Variants in SPAG16 observed in about 807,000 individuals in gnomAD.
SPAG16 encodes sperm associated antigen 16.
Under a neutral mutation model 80.4 loss-of-function variants are expected in SPAG16, and 86 were observed. The ratio of observed to expected loss-of-function variants is 1.07; its 90% CI spans 0.90 to 1.28. The LOEUF is 1.28. Among genes scored for constraint, SPAG16 ranks in the 50% most tolerant of loss-of-function variants. The pLI is 0.00. For missense variants in SPAG16, 870 were observed against 765.3 expected (o/e 1.14, Z -1.61); for synonymous variants, 294 against 265.9 (o/e 1.11, Z -1.03).
At chr2:213,624,121 GA>G (rs1346846907) in intron 10 of SPAG16, among the ~76,000 whole-genome samples, 1 of 151,818 alleles carries the variant, frequency 6.6e-6, no homozygotes. Context: ...TTAAACTACA[GA>G]AAAAACATCT....
At chr2:213,876,828 C>G (rs1265333093) in intron 11 of SPAG16, among the ~76,000 whole-genome samples, 1 of 152,106 alleles carries the variant, frequency 6.6e-6, no homozygotes, top group Non-Finnish European at 1.5e-5. Context: ...TATTAGGGTC[C>G]TCGCTCAGAT....
At chr2:213,548,021 A>G (rs2076667925) in intron 10 of SPAG16, among the ~76,000 whole-genome samples, 1 of 152,208 alleles carries the variant, frequency 6.6e-6, no homozygotes, top group Non-Finnish European at 1.5e-5. Context: ...ACTGCAATCA[A>G]TGACCTATAT....
At chr2:214,387,297 C>T (rs991496303) in intron 15 of SPAG16, among the ~76,000 whole-genome samples, 13 of 152,176 alleles carry the variant, frequency 8.5e-5, no homozygotes, top group South Asian at 2.1e-4. Context: ...ATCTAATACT[C>T]TATATTAAAG....
intron 9 of SPAG16, among the ~76,000 whole-genome samples, chr2:213,465,804 C>A (rs908268603): frequency 2.6e-5 from 4 of 152,176 alleles, no homozygotes; most frequent in African/African-American, 9.7e-5. Context: ...AGCCCATGGG[C>A]TGTTGGGGTG....
At chr2:213,417,817 C>A (rs1422909387) in intron 9 of SPAG16, among the ~76,000 whole-genome samples, 1 of 151,646 alleles carries the variant, frequency 6.6e-6, no homozygotes, top group African/African-American at 2.4e-5. Context: ...AAAATATTTT[C>A]CTCCTATTTT....
At chr2:213,867,524 G>C (rs941176733) in intron 11 of SPAG16, among the ~76,000 whole-genome samples, 2 of 152,150 alleles carry the variant, frequency 1.3e-5, no homozygotes, top group African/African-American at 4.8e-5. Context: ...GTGAAGACTA[G>C]TGTTATAATA....
chr2:214,368,290 C>T (rs1259832668), intron 15 of SPAG16, among the ~76,000 whole-genome samples: 1 of 152,012 alleles, frequency 6.6e-6, no homozygotes, highest in Non-Finnish European at 1.5e-5. Context: ...TGCTTCCAAC[C>T]CTATCTTTTC....
intron 10 of SPAG16, among the ~76,000 whole-genome samples, chr2:213,620,362 C>T (rs965632975): frequency 4.2e-5 from 6 of 141,620 alleles, no homozygotes; most frequent in Admixed American, 7.4e-5. Context: ...GCACGATCTC[C>T]GCTCACTGCA....
intron 5 of SPAG16, among the ~76,000 whole-genome samples, chr2:213,331,037 G>A (rs980470553): frequency 6.6e-6 from 1 of 152,090 alleles, no homozygotes; most frequent in African/African-American, 2.4e-5. Flanking sequence ...TTTCTTCCCA[G>A]TCTCAAGTAT....
chr2:214,369,010 C>T (rs1032931015), intron 15 of SPAG16, among the ~76,000 whole-genome samples: 1 of 152,044 alleles, frequency 6.6e-6, no homozygotes, highest in African/African-American at 2.4e-5. Flanking sequence ...AACAGAACCC[C>T]GTACTTTAAT....
intron 10 of SPAG16, among the ~76,000 whole-genome samples, chr2:213,528,287 A>C (rs13403206): frequency 0.025 from 3,787 of 152,282 alleles, 154 homozygotes; most frequent in African/African-American, 0.085. Flanking sequence ...TAATACCTAG[A>C]AAAAGTAGTC....
intron 13 of SPAG16, among the ~76,000 whole-genome samples, chr2:214,077,675 G>A (rs780186681): frequency 7.2e-5 from 11 of 152,162 alleles, no homozygotes; most frequent in Non-Finnish European, 1.5e-4. Flanking sequence ...CCATGAAGGC[G>A]GGTATGGAAT....
intron 10 of SPAG16, among the ~76,000 whole-genome samples, chr2:213,631,957 G>T (rs991241615): frequency 1.3e-5 from 2 of 151,970 alleles, no homozygotes; most frequent in African/African-American, 4.8e-5. Flanking sequence ...AATAGCTTTG[G>T]CTATTCTGAG....
intron 10 of SPAG16, among the ~76,000 whole-genome samples, chr2:213,616,931 C>T (rs1312458302): frequency 6.6e-6 from 1 of 152,084 alleles, no homozygotes; most frequent in African/African-American, 2.4e-5. Context: ...GAAGCAAGAA[C>T]CACAACATGA....
intron 10 of SPAG16, among the ~76,000 whole-genome samples, chr2:213,524,793 T>G (rs1230996517): frequency 6.6e-6 from 1 of 152,232 alleles, no homozygotes; most frequent in Non-Finnish European, 1.5e-5. Context: ...TTGCTTTCAA[T>G]TTTACAGGCT....
At chr2:213,467,280 A>G (rs752592366) in intron 9 of SPAG16, among the ~76,000 whole-genome samples, 1 of 152,158 alleles carries the variant, frequency 6.6e-6, no homozygotes, top group East Asian at 1.9e-4. Flanking sequence ...TTGGACCAGT[A>G]TGGTGGTTGT....
At chr2:213,999,907 C>T (rs1221345300) in intron 12 of SPAG16, among the ~76,000 whole-genome samples, 3 of 152,190 alleles carry the variant, frequency 2.0e-5, no homozygotes, top group Non-Finnish European at 4.4e-5. Flanking sequence ...TTTGGAAGGG[C>T]TGTATTTACC....
chr2:213,629,812 C>A (rs2062079422), intron 10 of SPAG16, among the ~76,000 whole-genome samples: 1 of 152,186 alleles, frequency 6.6e-6, no homozygotes, highest in Non-Finnish European at 1.5e-5. Flanking sequence ...ATTTCTCCTT[C>A]AGCCTCGCTG....
intron 10 of SPAG16, among the ~76,000 whole-genome samples, chr2:213,793,501 C>G (rs1260378084): frequency 6.6e-6 from 1 of 152,092 alleles, no homozygotes. Context: ...AAGTTACTCT[C>G]AAATTTAGTT....
Sources: gnomAD v4.1 joint callset for allele counts (sites outside exome capture counted in the v4.1 genomes callset) on GRCh38, gnomAD v4.1.1 for gene constraint, MANE v1.5 for transcripts, NCBI Gene and HGNC (gene_info 2026-07-23, HGNC 2026-07-21) for gene names.